SAMD12: variants seen among roughly 807,000 people sequenced by gnomAD.
SAMD12 encodes the protein sterile alpha motif domain-containing protein 12.
Under a neutral mutation model 15.0 loss-of-function variants are expected in SAMD12, and 9 were observed. The ratio of observed to expected loss-of-function variants is 0.60; its 90% confidence interval spans 0.36 to 1.05. The LOEUF (loss-of-function observed/expected upper bound fraction) is 1.05. SAMD12 is among the 50% of genes least tolerant of loss of function. The pLI, the probability that SAMD12 is intolerant of heterozygous loss-of-function variation, is 0.01. For synonymous variants in SAMD12, 86 were observed against 90.1 expected (o/e 0.96, Z 0.25); for missense variants, 230 against 234.2 (o/e 0.98, Z 0.12).
intron 4 of SAMD12, among the ~76,000 whole-genome samples, chr8:118,248,262 C>T (rs186663403): frequency 3.3e-5 from 5 of 152,284 alleles, no homozygotes; most frequent in Admixed American, 2.6e-4. Flanking sequence ...TATTCCACTT[C>T]TGTTCCCAAT....
chr8:118,411,116 A>G (rs1396696003), intron 3 of SAMD12, among the ~76,000 whole-genome samples: 3 of 152,198 alleles, frequency 2.0e-5, no homozygotes, highest in African/African-American at 4.8e-5. Context: ...AAATGTGCTA[A>G]TGATTTGAAG....
chr8:118,367,794 G>A (rs1818875108), intron 4 of SAMD12, among the ~76,000 whole-genome samples: 1 of 152,154 alleles, frequency 6.6e-6, no homozygotes, highest in Non-Finnish European at 1.5e-5. Flanking sequence ...GACAAATAAT[G>A]TGTAGACATG....
intron 2 of SAMD12, among the ~76,000 whole-genome samples, chr8:118,447,267 T>A (rs1453447244): frequency 6.6e-6 from 1 of 151,874 alleles, no homozygotes; most frequent in African/African-American, 2.4e-5. Flanking sequence ...AAACAGGTCA[T>A]CCTGTTCTTT....
At chr8:118,151,816 A>G in the SAMD12 span, among the ~76,000 whole-genome samples, 6 of 148,042 alleles carry the variant, frequency 4.1e-5, no homozygotes, top group Non-Finnish European at 7.5e-5. Context: ...GGTGACAGAC[A>G]GAGACTCTGT....
At chr8:118,467,298 C>T (rs1243143283) in intron 2 of SAMD12, among the ~76,000 whole-genome samples, 2 of 152,158 alleles carry the variant, frequency 1.3e-5, no homozygotes, top group African/African-American at 2.4e-5. Context: ...TCTTAGTATG[C>T]CTCTGTTACC....
Position 118,414,752 on chromosome 8 carries a change from C to T in SAMD12, c.322+25080G>A, listed in dbSNP as rs368339071. 5.3e-5 allele frequency among the ~76,000 whole-genome samples: 8 copies of T among 152,194 alleles called. No individual in the cohort carries two copies. In the South Asian group the frequency reaches 6.2e-4, roughly 12 times the overall value. On this transcript the variant is annotated intron_variant, in intron 3 of 3. Coordinates refer to ENST00000314727, the MANE Select transcript of SAMD12 (RefSeq NM_207506.3). ...TGAGATAGGTTTGAATAACCCTATC[C>T]GCAAAGAATTTTCTAATTAAAAGTA...
intron 2 of SAMD12, among the ~76,000 whole-genome samples, chr8:118,485,350 G>A (rs1189266842): frequency 6.6e-6 from 1 of 152,168 alleles, no homozygotes; most frequent in African/African-American, 2.4e-5. Flanking sequence ...AAATGACAAA[G>A]GTGGAAGAGA....
intron 3 of SAMD12, among the ~76,000 whole-genome samples, chr8:118,410,819 A>G (rs1821373365): frequency 6.6e-6 from 1 of 152,198 alleles, no homozygotes; most frequent in Admixed American, 6.5e-5. Context: ...GCTCCTTTTC[A>G]AGGCTACAAC....
At chr8:118,230,722 T>C (rs1812293709) in intron 4 of SAMD12, among the ~76,000 whole-genome samples, 1 of 150,366 alleles carries the variant, frequency 6.7e-6, no homozygotes, top group Admixed American at 6.6e-5. Context: ...GCAGAGAAAA[T>C]AGCAAGTGGA....
intron 4 of SAMD12, among the ~76,000 whole-genome samples, chr8:118,279,742 A>G (rs1344895622): frequency 1.3e-5 from 2 of 152,226 alleles, no homozygotes; most frequent in African/African-American, 4.8e-5. Flanking sequence ...TATAATCTGG[A>G]CATGCATATT....
intron 4 of SAMD12, among the ~76,000 whole-genome samples, chr8:118,281,130 A>T (rs1813630743): frequency 6.6e-6 from 1 of 152,214 alleles, no homozygotes; most frequent in African/African-American, 2.4e-5. Flanking sequence ...ACCGAGACAC[A>T]TTTTCCTAAA....
intron 1 of SAMD12, among the ~76,000 whole-genome samples, chr8:118,585,950 C>T (rs1461289953): frequency 1.3e-5 from 2 of 152,220 alleles, no homozygotes; most frequent in Non-Finnish European, 2.9e-5. Context: ...CTCCAGGAAG[C>T]CACCCAACTT....
intron 2 of SAMD12, among the ~76,000 whole-genome samples, chr8:118,497,730 G>GC (rs1333650618): frequency 4.4e-5 from 5 of 114,446 alleles, no homozygotes; most frequent in African/African-American, 1.9e-4. Flanking sequence ...TTGCGGGGGG[G>GC]GGTGGGGGGA....
chr8:118,612,392 C>A (rs1376433778), intron 1 of SAMD12, among the ~76,000 whole-genome samples: 1 of 152,228 alleles, frequency 6.6e-6, no homozygotes, highest in African/African-American at 2.4e-5. Flanking sequence ...CATTTCTGGG[C>A]TATATCCATG....
At chr8:118,348,625 G>A (rs1817794753) in intron 4 of SAMD12, among the ~76,000 whole-genome samples, 2 of 152,226 alleles carry the variant, frequency 1.3e-5, no homozygotes, top group South Asian at 2.1e-4. Context: ...GCCCACCTCG[G>A]CCTCCTGAAG....
chr8:118,174,539 CA>C, the SAMD12 span, among the ~76,000 whole-genome samples: 5 of 152,106 alleles, frequency 3.3e-5, no homozygotes, highest in Admixed American at 2.6e-4. Context: ...AAAAGTGGTT[CA>C]TTTTACTATA....
At position 118,303,254 on chromosome 8, in the gene SAMD12, C is replaced by G. The variant is rs544463593; in HGVS notation, c.433+76306G>C. On this transcript the variant is annotated intron_variant, in intron 4 of 4. Transcript: ENST00000409003. ...CCTGAGGTCTCTTAGACACGTTGTGCCAATTTCATGTCAGAGACAACTTAA... is the reference window on the plus strand; with the variant it reads ...CCTGAGGTCTCTTAGACACGTTGTGGCAATTTCATGTCAGAGACAACTTAA... 4.6e-5 allele frequency among the ~76,000 whole-genome samples: 7 copies of G among 152,272 alleles called. No homozygotes were observed. In the South Asian group the frequency reaches 1.5e-3, roughly 32 times the overall value.
intron 4 of SAMD12, among the ~76,000 whole-genome samples, chr8:118,263,811 C>G (rs2130075854): frequency 6.6e-6 from 1 of 152,142 alleles, no homozygotes; most frequent in East Asian, 1.9e-4. Context: ...GCAATTGGCC[C>G]TGTGGTCAGG....
At chr8:118,467,677 T>C (rs1823636336) in intron 2 of SAMD12, among the ~76,000 whole-genome samples, 1 of 152,168 alleles carries the variant, frequency 6.6e-6, no homozygotes, top group South Asian at 2.1e-4. Flanking sequence ...CACCTCCTAA[T>C]CAATTTGGAG....
Sources: allele counts gnomAD v4.1 joint callset (sites outside exome capture counted in the v4.1 genomes callset), GRCh38; gene constraint gnomAD v4.1.1; transcripts MANE v1.5; gene names NCBI Gene and HGNC (gene_info 2026-07-23, HGNC 2026-07-21).